GRAMD4: variants seen among roughly 807,000 people sequenced by gnomAD.
GRAMD4 encodes the protein GRAM domain containing 4.
GRAMD4 carries 25 observed loss-of-function variants against 83.9 expected under a neutral mutation model. That is an observed-to-expected ratio of 0.30 (90% CI 0.22 to 0.42). The LOEUF (loss-of-function observed/expected upper bound fraction) is 0.42. Ranked by LOEUF, GRAMD4 falls within the 10% of genes least tolerant of loss-of-function variation. The probability of loss-of-function intolerance (pLI) is 1.00; values close to 1 mark genes in which losing one functional copy is unlikely to be tolerated. For synonymous variants in GRAMD4, 336 were observed against 320.9 expected (o/e 1.05, Z -0.50); for missense variants, 593 against 788.7 (o/e 0.75, Z 2.97).
At chr22:46,637,104 G>T (rs1276418078) in intron 2 of GRAMD4, among the ~76,000 whole-genome samples, 1 of 152,066 alleles carries the variant, frequency 6.6e-6, no homozygotes, top group Non-Finnish European at 1.5e-5. Context: ...TCGTGGAGGC[G>T]CCCGCAGCCT....
In GRAMD4 at chr22:46,609,262, G is replaced by A. The variant is rs1002270351; in HGVS notation, c.-49-17489G>A. 2.6e-5 allele frequency among the ~76,000 whole-genome samples: 4 copies of A among 152,172 alleles called. No homozygotes were observed. In the East Asian group the frequency reaches 5.8e-4, roughly 22 times the overall value. ...CTCAGGCGATCCTGTTGCCCTCCGC[G>A]CAGGAGCCTGGGTCCACCTTCTCCT... On this transcript the variant is annotated intron_variant, in intron 1 of 1. Transcript: ENST00000431155.
intron 9 of GRAMD4, 56 bp from the exon 10 acceptor site, chr22:46,666,769 C>A: frequency 6.8e-7 from 1 of 1,472,646 alleles, no homozygotes; most frequent in Non-Finnish European, 9.5e-7. Context: ...GATTCGATGC[C>A]TTCCCCTGAC....
chr22:46,626,271 G>A (rs759718655), intron 1 of GRAMD4, among the ~76,000 whole-genome samples: 21 of 152,356 alleles, frequency 1.4e-4, no homozygotes, highest in Admixed American at 7.8e-4. Flanking sequence ...GTATGTGGCC[G>A]TCGTGTTGAC....
At chr22:46,614,585 G>T (rs895740902) in intron 1 of GRAMD4, among the ~76,000 whole-genome samples, 1 of 152,232 alleles carries the variant, frequency 6.6e-6, no homozygotes, top group Non-Finnish European at 1.5e-5. Flanking sequence ...GTGCTCATTG[G>T]TGGTGGCTGC....
intron 1 of GRAMD4, among the ~76,000 whole-genome samples, chr22:46,597,099 T>C (rs890351055): frequency 3.3e-5 from 5 of 152,114 alleles, no homozygotes; most frequent in African/African-American, 4.8e-5. Context: ...GGCCAGACCT[T>C]TGGGTCCTTT....
chr22:46,577,394 T>TCCC, intron 1 of GRAMD4: 2 of 436,068 alleles, frequency 4.6e-6, no homozygotes, highest in Non-Finnish European at 5.0e-6. Context: ...GGCCGCGCTC[T>TCCC]CCCCGCCGCC....
intron 3 of GRAMD4, among the ~76,000 whole-genome samples, chr22:46,642,286 G>A (rs995643238): frequency 2.0e-5 from 3 of 152,220 alleles, no homozygotes; most frequent in East Asian, 1.9e-4. Flanking sequence ...GGAAGCTGAC[G>A]TTGATACACT....
chr22:46,651,406 G>A (rs2082163697), intron 3 of GRAMD4, among the ~76,000 whole-genome samples: 1 of 152,222 alleles, frequency 6.6e-6, no homozygotes, highest in Non-Finnish European at 1.5e-5. Context: ...CCTCTGATGT[G>A]GTGGCTTCTC....
chr22:46,585,116 C>T (rs763975243), intron 1 of GRAMD4, among the ~76,000 whole-genome samples: 6 of 151,914 alleles, frequency 3.9e-5, no homozygotes, highest in Non-Finnish European at 5.9e-5. Context: ...GGTCACTCCT[C>T]GTCTGCTGGT....
intron 1 of GRAMD4, among the ~76,000 whole-genome samples, chr22:46,611,554 G>C (rs1003453744): frequency 6.6e-6 from 1 of 152,178 alleles, no homozygotes; most frequent in African/African-American, 2.4e-5. Flanking sequence ...TGGGGTAGGG[G>C]AGATGAACAC....
chr22:46,631,278 T>C (rs572851043), intron 2 of GRAMD4, among the ~76,000 whole-genome samples: 1 of 152,278 alleles, frequency 6.6e-6, no homozygotes, highest in South Asian at 2.1e-4. Flanking sequence ...CTCCAGAACC[T>C]TTCGTCATCC....
At chr22:46,665,936 C>T (rs1344618203) in intron 9 of GRAMD4, among the ~76,000 whole-genome samples, 4 of 152,206 alleles carry the variant, frequency 2.6e-5, no homozygotes, top group Non-Finnish European at 5.9e-5. Flanking sequence ...CTTCCCCGGG[C>T]GGCCAGCAGA....
intron 1 of GRAMD4, among the ~76,000 whole-genome samples, chr22:46,608,841 T>G (rs1391935410): frequency 1.3e-5 from 2 of 152,192 alleles, no homozygotes; most frequent in Admixed American, 1.3e-4. Context: ...AAATCCCATC[T>G]CTACTAAAAA....
At chr22:46,576,326 GCC>G (rs1262746262), upstream of GRAMD4, among the ~76,000 whole-genome samples, 1 of 152,184 alleles carries the variant, frequency 6.6e-6, no homozygotes, top group Admixed American at 6.5e-5. Flanking sequence ...GATCCCCTCT[GCC>G]CCTTCACTGA....
In GRAMD4 at chr22:46,604,233, G is replaced by C. The variant is rs2081343943; in HGVS notation, c.-49-22518G>C. ...AGTCCGGCTTTTCAGAATTTTCCTG[G>C]CTATTTGGCTTGTTTATTTTTCCCT... is the stretch of plus-strand genomic sequence containing the variant. On this transcript the variant is annotated intron_variant, in intron 1 of 1. Coordinates refer to the GRAMD4 transcript ENST00000431155. Among the ~76,000 whole-genome samples the C allele has an allele frequency of 3.3e-5, 5 of 152,100 alleles. No individual in the cohort carries two copies. The South Asian group carries it at 1.0e-3, about 32-fold the overall frequency.
At chr22:46,648,395 T>C in intron 3 of GRAMD4, among the ~76,000 whole-genome samples, 1 of 141,260 alleles carries the variant, frequency 7.1e-6, no homozygotes, top group South Asian at 2.3e-4. Context: ...GGTGGGTGAA[T>C]GGCAGAGGGA....
rs954241962 is a variant in GRAMD4, at chr22:46,577,158, C to T, written c.-182C>T. ...CGCCTCCGCGCTCGTGGCCGGGACC[C>T]GCGGGGCCGCCTCCTCCCGGCTCCC... On this transcript the variant is annotated 5_prime_UTR_variant, in exon 1 of 2. Transcript: ENST00000431155. 6.2e-5 allele frequency: 24 copies of T among 387,168 alleles called. 1 individual carries two copies. The highest frequency in any genetic ancestry group is 5.1e-4 in the African/African-American group (23 of 45,340). The allele number at this position is 387,168 out of a possible 1,614,324, so 24.0% of individuals were successfully genotyped here. A position where few individuals can be genotyped will look rare whatever the true frequency, so the allele number is the denominator to read the frequency against.
chr22:46,643,396 A>T (rs2082020166), intron 3 of GRAMD4, among the ~76,000 whole-genome samples: 1 of 151,962 alleles, frequency 6.6e-6, no homozygotes, highest in Admixed American at 6.6e-5. Flanking sequence ...GAGCTGCTTG[A>T]TGGTCAGTTG....
intron 1 of GRAMD4, among the ~76,000 whole-genome samples, chr22:46,580,231 G>A (rs939162140): frequency 1.3e-4 from 20 of 152,244 alleles, no homozygotes; most frequent in Admixed American, 2.6e-4. Context: ...GGGAAGCAGC[G>A]TCTCTTGCCT....
Sources: allele counts gnomAD v4.1 joint callset (sites outside exome capture counted in the v4.1 genomes callset), GRCh38; gene constraint gnomAD v4.1.1; transcripts MANE v1.5; gene names NCBI Gene and HGNC (gene_info 2026-07-23, HGNC 2026-07-21).